Variants in SLC9C1 observed in about 807,000 individuals in gnomAD.
SLC9C1 encodes the protein solute carrier family 9 member C1.
SLC9C1 carries 97 observed loss-of-function variants against 140.9 expected under a neutral mutation model. The ratio of observed to expected loss-of-function variants is 0.69; its 90% CI spans 0.58 to 0.82. SLC9C1 has a LOEUF of 0.82. Ranked by LOEUF, SLC9C1 falls within the 40% of genes least tolerant of loss-of-function variation. The pLI is 0.00. For missense variants in SLC9C1, 1,340 were observed against 1,389.3 expected (o/e 0.96, Z 0.56); for synonymous variants, 440 against 442.6 (o/e 0.99, Z 0.07).
At chr3:112,216,598 A>G (rs1013811675) in intron 15 of SLC9C1, among the ~76,000 whole-genome samples, 2 of 152,092 alleles carry the variant, frequency 1.3e-5, no homozygotes, top group African/African-American at 4.8e-5. Context: ...CAAAAGACAC[A>G]TGAAAAAATG....
chr3:112,194,615 A>G (rs1040735779), intron 20 of SLC9C1, among the ~76,000 whole-genome samples: 5 of 151,948 alleles, frequency 3.3e-5, no homozygotes, highest in Non-Finnish European at 1.5e-5. Flanking sequence ...ACTCCTTGAG[A>G]CTCCACTTTC....
chr3:112,161,499 T>C (rs1373474335), intron 26 of SLC9C1, among the ~76,000 whole-genome samples: 1 of 152,204 alleles, frequency 6.6e-6, no homozygotes, highest in African/African-American at 2.4e-5. Flanking sequence ...GGCTAGCCAG[T>C]TTTCCCAGCA....
chr3:112,154,926 G>T, intron 27 of SLC9C1, 71 bp downstream of exon 27: 2 of 1,390,408 alleles, frequency 1.4e-6, no homozygotes, highest in Non-Finnish European at 2.0e-6. Flanking sequence ...GAAACACATT[G>T]GTAGTTTCCA....
intron 13 of SLC9C1, among the ~76,000 whole-genome samples, chr3:112,222,005 TG>T (rs1186354943): frequency 6.6e-6 from 1 of 152,032 alleles, no homozygotes; most frequent in Non-Finnish European, 1.5e-5. Flanking sequence ...TGCTTCGTTT[TG>T]GGGAAATACT....
intron 20 of SLC9C1, among the ~76,000 whole-genome samples, chr3:112,187,230 A>G (rs2077557256): frequency 6.6e-6 from 1 of 152,204 alleles, no homozygotes; most frequent in Non-Finnish European, 1.5e-5. Context: ...AATAGTATCC[A>G]CATGACAGAT....
At chr3:112,228,487 C>T (rs770831937) in intron 13 of SLC9C1, among the ~76,000 whole-genome samples, 2 of 151,970 alleles carry the variant, frequency 1.3e-5, no homozygotes, top group Non-Finnish European at 2.9e-5. Context: ...GATTTCATGG[C>T]TACAGTCTCA....
At chr3:112,148,784 G>T (rs2074876548) in intron 28 of SLC9C1, among the ~76,000 whole-genome samples, 1 of 152,208 alleles carries the variant, frequency 6.6e-6, no homozygotes, top group African/African-American at 2.4e-5. Flanking sequence ...GCCAAAAAGG[G>T]TGTGTCTTGA....
intron 8 of SLC9C1, 93 bp downstream of exon 8, chr3:112,266,145 C>A: frequency 1.0e-6 from 1 of 955,396 alleles, no homozygotes; most frequent in Non-Finnish European, 1.6e-6. Flanking sequence ...CTTTGAAAAT[C>A]TTACTTCGAC....
chr3:112,211,492 C>T (rs1235356360), intron 15 of SLC9C1, among the ~76,000 whole-genome samples: 2 of 152,182 alleles, frequency 1.3e-5, no homozygotes, highest in Non-Finnish European at 2.9e-5. Flanking sequence ...TCTGGAAAAT[C>T]GGGTCACTCC....
intron 20 of SLC9C1, among the ~76,000 whole-genome samples, chr3:112,183,329 A>G (rs1276328356): frequency 1.0e-5 from 1 of 98,558 alleles, no homozygotes; most frequent in Non-Finnish European, 2.0e-5. Context: ...AGCTTACGAC[A>G]ATGATATTTA....
At chr3:112,148,417 T>C (rs1368977548) in intron 28 of SLC9C1, among the ~76,000 whole-genome samples, 4 of 152,196 alleles carry the variant, frequency 2.6e-5, no homozygotes, top group Non-Finnish European at 5.9e-5. Context: ...TCTTTTCATG[T>C]GAGTAGAATT....
chr3:112,283,328 A>G (rs1353841854), intron 2 of SLC9C1, among the ~76,000 whole-genome samples: 1 of 152,046 alleles, frequency 6.6e-6, no homozygotes, highest in African/African-American at 2.4e-5. Flanking sequence ...ACAAAAAATA[A>G]AATAATTAAT....
intron 26 of SLC9C1, among the ~76,000 whole-genome samples, chr3:112,166,325 G>T (rs2077134189): frequency 6.6e-6 from 1 of 152,224 alleles, no homozygotes; most frequent in Non-Finnish European, 1.5e-5. Flanking sequence ...CGGTACCTCA[G>T]TTGGAAATGC....
chr3:112,164,306 C>G (rs1437412943), intron 26 of SLC9C1, among the ~76,000 whole-genome samples: 1 of 146,896 alleles, frequency 6.8e-6, no homozygotes, highest in Non-Finnish European at 1.5e-5. Flanking sequence ...TGAATTTGAT[C>G]CTGTCATTAT....
chr3:112,271,503 A>T (rs1257252015), intron 6 of SLC9C1, among the ~76,000 whole-genome samples: 1 of 151,600 alleles, frequency 6.6e-6, no homozygotes, highest in East Asian at 1.9e-4. Flanking sequence ...TTTGGGGTAG[A>T]TGGACAATAT....
chr3:112,194,200 C>T (rs1318854877), intron 20 of SLC9C1, among the ~76,000 whole-genome samples: 3 of 152,198 alleles, frequency 2.0e-5, no homozygotes, highest in South Asian at 2.1e-4. Flanking sequence ...AAAGACTGTG[C>T]GATACTTCTG....
At chr3:112,152,026 T>C in intron 27 of SLC9C1, 63 bp from the exon 28 acceptor site, 1 of 1,286,394 alleles carries the variant, frequency 7.8e-7, no homozygotes, top group Non-Finnish European at 1.1e-6. Context: ...GGCCTGCCCC[T>C]CCACACCTGT....
intron 7 of SLC9C1, among the ~76,000 whole-genome samples, chr3:112,269,222 G>A (rs1001121028): frequency 2.0e-5 from 3 of 152,096 alleles, no homozygotes; most frequent in African/African-American, 7.2e-5. Context: ...TGATCCTCCC[G>A]CCTCAGGCTC....
intron 9 of SLC9C1, among the ~76,000 whole-genome samples, chr3:112,263,769 G>T (rs753634568): frequency 9.9e-5 from 15 of 151,494 alleles, no homozygotes; most frequent in Non-Finnish European, 2.1e-4. Flanking sequence ...CTTAACAGTG[G>T]AAAAAGAAAC....
Sources: gnomAD v4.1 joint callset for allele counts (sites outside exome capture counted in the v4.1 genomes callset) on GRCh38, gnomAD v4.1.1 for gene constraint, MANE v1.5 for transcripts, NCBI Gene and HGNC (gene_info 2026-07-23, HGNC 2026-07-21) for gene names.